The following PCDHAC1 variants were observed in gnomAD, a reference collection of about 807,000 sequenced individuals.
PCDHAC1 encodes protocadherin alpha subfamily C, 1.
In PCDHAC1, 42 loss-of-function variants were observed where a neutral mutation model predicts 60.0. The observed-to-expected ratio is 0.70, with a 90% confidence interval of 0.55 to 0.90. The LOEUF is 0.90. Ranked by LOEUF, PCDHAC1 falls within the 40% of genes least tolerant of loss-of-function variation. PCDHAC1 has a pLI of 0.00. For synonymous variants in PCDHAC1, 468 were observed against 499.3 expected (o/e 0.94, Z 0.84); for missense variants, 1,160 against 1,222.3 (o/e 0.95, Z 0.76).
chr5:140,973,015 A>T (rs1554234824), intron 1 of PCDHAC1, among the ~76,000 whole-genome samples: 1 of 152,000 alleles, frequency 6.6e-6, no homozygotes, highest in African/African-American at 2.4e-5. Context: ...TGGTGTTGTG[A>T]TTGTTAATGA....
intron 1 of PCDHAC1, among the ~76,000 whole-genome samples, chr5:140,971,015 G>C (rs1425390222): frequency 6.6e-6 from 1 of 152,228 alleles, no homozygotes; most frequent in Non-Finnish European, 1.5e-5. Flanking sequence ...GAAGTCTTTA[G>C]ATCGTAGCAT....
At chr5:140,966,253 G>A in intron 1 of PCDHAC1, 1 of 328,324 alleles carries the variant, frequency 3.0e-6, no homozygotes, top group South Asian at 1.5e-4. Context: ...GGGGAGAGAC[G>A]GTGGAGACTG....
intron 1 of PCDHAC1, among the ~76,000 whole-genome samples, chr5:140,963,398 G>C (rs1465736344): frequency 6.6e-6 from 1 of 152,220 alleles, no homozygotes; most frequent in Admixed American, 6.5e-5. Flanking sequence ...CTCCCTACTG[G>C]ATGCTGTAGA....
rs1554262759 is a variant in PCDHAC1 at position 141,010,215 on chromosome 5, G to A, written c.*278G>A. ...CCTTTCTCCTCCGCCGCAAAGGAGA[G>A]GCTTCCCAGCCCCGCCAGTGAGAGG... On this transcript the variant is annotated 3_prime_UTR_variant, in exon 4 of 4. Transcript: ENST00000253807. The A allele has an allele frequency of 6.4e-7, 1 of 1,551,774 alleles. No homozygotes were observed. Among genetic ancestry groups the A allele is most frequent in the East Asian group, 2.4e-5 (1 of 40,918 alleles).
chr5:140,954,505 A>G (rs1011072156), intron 1 of PCDHAC1, among the ~76,000 whole-genome samples: 2 of 152,082 alleles, frequency 1.3e-5, no homozygotes, highest in Non-Finnish European at 2.9e-5. Flanking sequence ...TTTGATTTGC[A>G]TTTACCTAAT....
chr5:141,010,030 C>CTAG lies in PCDHAC1; in HGVS notation c.*93_*94insTAG. The stretch of plus-strand genomic sequence containing the variant: ...ATTCCCTGCTCCTTTTTCCTATCTA[C>CTAG]ATGAGCCCTCTTAGAGACCTCAGAA... On this transcript the variant is annotated 3_prime_UTR_variant, in exon 4 of 4. Coordinates refer to ENST00000253807, the MANE Select transcript of PCDHAC1 (RefSeq NM_018898.5). 1 of 1,580,910 alleles carries CTAG rather than the reference C, an allele frequency of 6.3e-7. No homozygotes were observed. Among genetic ancestry groups the CTAG allele is most frequent in the Admixed American group, 1.8e-5 (1 of 54,776 alleles).
At chr5:141,005,470 G>A (rs1563690887) in intron 3 of PCDHAC1, among the ~76,000 whole-genome samples, 1 of 151,836 alleles carries the variant, frequency 6.6e-6, no homozygotes, top group South Asian at 2.1e-4. Context: ...TTGGGAGGCC[G>A]AGACGGGCGG....
chr5:140,928,485 C>T lies in PCDHAC1; in HGVS notation c.1593C>T (p.Gly531=). 2 of 1,614,136 alleles carry T rather than the reference C, an allele frequency of 1.2e-6. No homozygotes were observed. Among genetic ancestry groups the T allele is most frequent in the Non-Finnish European group, 1.7e-6 (2 of 1,180,014 alleles). The change falls in exon 1 of 4, where the codon GGC becomes GGT. Residue 531 remains glycine, a synonymous_variant. Coordinates refer to ENST00000253807, the MANE Select transcript of PCDHAC1 (RefSeq NM_018898.5). ...TCCAAGTAGAAGGCCGGGATGGTGGCATTCCTCCCAGAAGTGCAACAGTGA... is the reference window on the plus strand; with the variant it reads ...TCCAAGTAGAAGGCCGGGATGGTGGTATTCCTCCCAGAAGTGCAACAGTGA... ...FHFQVEGRDG[G]IPPRSATVTI...
chr5:140,985,759 T>TTTTA (rs2097169056), intron 3 of PCDHAC1, among the ~76,000 whole-genome samples: 2 of 149,086 alleles, frequency 1.3e-5, no homozygotes, highest in East Asian at 2.0e-4. Context: ...TTTTTTTTTT[T>TTTTA]GAGACAGTCT....
intron 1 of PCDHAC1, among the ~76,000 whole-genome samples, chr5:140,941,737 T>A (rs1221306435): frequency 3.9e-5 from 6 of 152,234 alleles, no homozygotes; most frequent in Admixed American, 2.0e-4. Context: ...TTCCCCATTA[T>A]CTTATCAGAT....
At chr5:140,975,206 T>G (rs2096657939) in intron 1 of PCDHAC1, among the ~76,000 whole-genome samples, 1 of 152,232 alleles carries the variant, frequency 6.6e-6, no homozygotes, top group African/African-American at 2.4e-5. Context: ...TCTTCATGGC[T>G]GGCACTGGAG....
chr5:141,010,089 G>T lies in PCDHAC1; in HGVS notation c.*152G>T. On this transcript the variant is annotated 3_prime_UTR_variant, in exon 4 of 4. Coordinates refer to ENST00000253807, the MANE Select transcript of PCDHAC1 (RefSeq NM_018898.5). The stretch of plus-strand genomic sequence containing the variant: ...AAAGTTCCCTGTGTCTGTCTAGAAC[G>T]CATTTAACAGGTTTTGTCGTAAAAG... 2 of 1,612,296 alleles carry T rather than the reference G, an allele frequency of 1.2e-6. No individual in the cohort carries two copies. Among genetic ancestry groups the T allele is most frequent in the East Asian group, 2.2e-5 (1 of 44,872 alleles).
At chr5:140,969,175 T>C in intron 1 of PCDHAC1, 7 of 1,613,046 alleles carry the variant, frequency 4.3e-6, no homozygotes, top group Non-Finnish European at 5.9e-6. Context: ...GCTCAGGGAG[T>C]GACACTTTCA....
At chr5:140,938,278 G>A (rs1394435028) in intron 1 of PCDHAC1, among the ~76,000 whole-genome samples, 1 of 152,090 alleles carries the variant, frequency 6.6e-6, no homozygotes, top group African/African-American at 2.4e-5. Context: ...TAGTTTTCTT[G>A]CTTTCTGTCA....
At chr5:140,991,214 A>G (rs922136535) in intron 3 of PCDHAC1, among the ~76,000 whole-genome samples, 4 of 152,202 alleles carry the variant, frequency 2.6e-5, no homozygotes, top group Non-Finnish European at 4.4e-5. Context: ...AATTTTGTTA[A>G]ATTCATTAAT....
At chr5:141,001,216 G>T (rs938133871) in intron 3 of PCDHAC1, among the ~76,000 whole-genome samples, 1 of 152,082 alleles carries the variant, frequency 6.6e-6, no homozygotes, top group Non-Finnish European at 1.5e-5. Context: ...GCTGTATAAG[G>T]ATAGTTACAT....
At chr5:140,983,734 G>A (rs1194473513) in intron 3 of PCDHAC1, among the ~76,000 whole-genome samples, 15 of 152,170 alleles carry the variant, frequency 9.9e-5, no homozygotes, top group African/African-American at 3.4e-4. Context: ...TAACATGGCT[G>A]GCTTGCAATA....
chr5:140,995,367 T>G (rs2153932865), intron 3 of PCDHAC1, among the ~76,000 whole-genome samples: 1 of 152,280 alleles, frequency 6.6e-6, no homozygotes, highest in East Asian at 1.9e-4. Context: ...AGAGGGATGA[T>G]TCACGTACTG....
chr5:140,928,217 C>T lies in PCDHAC1; in HGVS notation c.1325C>T (p.Thr442Ile). The change falls in exon 1 of 4, where the codon ACA (threonine) becomes ATA (isoleucine). Residue 442 changes from threonine (T) to isoleucine (I), a missense_variant. Transcript: ENST00000253807. Reference protein sequence around the residue: ...TVSVADVNDNTPNFPQPQQEL... With the variant: ...TVSVADVNDNIPNFPQPQQEL... Reference sequence around the variant, plus strand: ...TCAGTTGCTGATGTGAATGACAATACACCAAACTTTCCTCAACCCCAGCAG... The same window carrying T: ...TCAGTTGCTGATGTGAATGACAATATACCAAACTTTCCTCAACCCCAGCAG... The T allele has an allele frequency of 1.2e-6, 2 of 1,614,212 alleles. No homozygotes were observed. The highest frequency in any genetic ancestry group is 1.7e-6 in the Non-Finnish European group (2 of 1,180,032).
Sources: allele counts gnomAD v4.1 joint callset (sites outside exome capture counted in the v4.1 genomes callset), GRCh38; gene constraint gnomAD v4.1.1; transcripts MANE v1.5; gene names NCBI Gene and HGNC (gene_info 2026-07-23, HGNC 2026-07-21).